CA1: variants seen among roughly 807,000 people sequenced by gnomAD.
CA1 encodes carbonic anhydrase 1.
A neutral mutation model predicts 28.8 loss-of-function variants in CA1; 27 were observed. The observed-to-expected ratio is 0.94, with a 90% CI of 0.69 to 1.29. CA1 has a LOEUF of 1.29. Among genes scored for constraint, CA1 ranks in the 50% most tolerant of loss-of-function variants. The pLI is 0.00. For synonymous variants in CA1, 121 were observed against 108.8 expected, an observed-to-expected ratio of 1.11 and a Z score of -0.70; for missense variants, 335 against 310.5, an observed-to-expected ratio of 1.08 and a Z score of -0.59.
At chr8:85,342,105 A>G (rs551815355) in intron 1 of CA1, among the ~76,000 whole-genome samples, 1 of 152,238 alleles carries the variant, frequency 6.6e-6, no homozygotes, top group Non-Finnish European at 1.5e-5. Context: ...GCTGATCTGA[A>G]CTAGTATCTT....
chr8:85,370,280 A>G (rs572243699), intron 1 of CA1, among the ~76,000 whole-genome samples: 16 of 152,322 alleles, frequency 1.1e-4, no homozygotes, highest in Middle Eastern at 6.8e-3. Context: ...CAGGAAATCA[A>G]TTGAAGTAAA....
chr8:85,346,196 A>T (rs749018765), intron 1 of CA1, among the ~76,000 whole-genome samples: 49 of 152,186 alleles, frequency 3.2e-4, no homozygotes, highest in Non-Finnish European at 6.2e-4. Context: ...ATGCTAATTG[A>T]AATTACTGGC....
In CA1 at chr8:85,328,673, C is replaced by A; in HGVS notation, c.673G>T (p.Ala225Ser). 6.3e-7 allele frequency: 1 copy of A among 1,584,990 alleles called. No homozygotes were observed. The highest frequency in any genetic ancestry group is 8.7e-7 in the Non-Finnish European group (1 of 1,155,536). Reference sequence around the variant, plus strand: ...TTTGATAGAAGGCTGCGGAATTGTGCCAGCTAGAAGGATAAAATATTTTAA... The same window carrying A: ...TTTGATAGAAGGCTGCGGAATTGTGACAGCTAGAAGGATAAAATATTTTAA... ...ESISVSSEQL[A>S]QFRSLLSNVE... The change falls in exon 8 of 8, where the codon GCA becomes TCA. Residue 225 changes from alanine to serine, a missense_variant. Transcript: ENST00000523022.
intron 4 of CA1, among the ~76,000 whole-genome samples, chr8:85,333,833 A>G (rs1338458215): frequency 6.6e-6 from 1 of 152,212 alleles, no homozygotes; most frequent in Admixed American, 6.5e-5. Context: ...TGGAACCAGT[A>G]AGCAAAATGT....
intron 1 of CA1, among the ~76,000 whole-genome samples, chr8:85,363,978 TCTTTC>T (rs1809908004): frequency 1.3e-5 from 2 of 152,282 alleles, no homozygotes; most frequent in East Asian, 1.9e-4. Flanking sequence ...AAATTTCTTT[TCTTTC>T]CTTTCCTTTC....
intron 1 of CA1, among the ~76,000 whole-genome samples, chr8:85,372,120 T>C (rs1231291329): frequency 6.6e-6 from 1 of 152,214 alleles, no homozygotes; most frequent in Non-Finnish European, 1.5e-5. Flanking sequence ...GTCATGTTTA[T>C]TTTTATCCTC....
At chr8:85,359,099 G>A (rs550981608) in intron 1 of CA1, among the ~76,000 whole-genome samples, 17 of 152,306 alleles carry the variant, frequency 1.1e-4, no homozygotes, top group African/African-American at 4.1e-4. Flanking sequence ...CCTTACACAA[G>A]TCAAGTTACT....
chr8:85,333,650 T>A (rs746353805), intron 4 of CA1, 30 bp from the exon 5 acceptor site: 1 of 1,325,238 alleles, frequency 7.5e-7, no homozygotes, highest in Non-Finnish European at 1.1e-6. Context: ...TAATTAATTA[T>A]TTATACCAGT....
intron 1 of CA1, among the ~76,000 whole-genome samples, chr8:85,369,570 C>G (rs1474699220): frequency 6.6e-6 from 1 of 152,170 alleles, no homozygotes; most frequent in Non-Finnish European, 1.5e-5. Flanking sequence ...ATGCCGTGGA[C>G]TGGTAGGGCC....
At chr8:85,340,072 A>G (rs1340386846) in intron 2 of CA1, among the ~76,000 whole-genome samples, 1 of 152,252 alleles carries the variant, frequency 6.6e-6, no homozygotes, top group Non-Finnish European at 1.5e-5. Flanking sequence ...AGGTGACTAC[A>G]CTAAACAACA....
intron 1 of CA1, among the ~76,000 whole-genome samples, chr8:85,350,373 G>T (rs1809356929): frequency 1.3e-5 from 2 of 152,168 alleles, no homozygotes; most frequent in Non-Finnish European, 2.9e-5. Flanking sequence ...GACTTGAAAG[G>T]CGCTGCATTT....
Position 85,338,252 on chromosome 8 carries a change from CT to C in CA1, c.234del (p.Val79CysfsTer2). On this transcript the variant is annotated frameshift_variant and splice_region_variant, in exon 3 of 8. Transcript: ENST00000523022. LOFTEE classifies it high-confidence loss of function. ...HVNFEDNDNR[S>X]VLKGGPFSDS... ...ATATCAGAAGGGTCTTTCAGCTCAC[CT>C]GATCGGTTATCGTTGTCCTCAAAAT... is the stretch of plus-strand genomic sequence containing the variant. 1 of 1,612,282 alleles carries C rather than the reference CT, an allele frequency of 6.2e-7. No individual in the cohort carries two copies. Among genetic ancestry groups the C allele is most frequent in the Non-Finnish European group, 8.5e-7 (1 of 1,178,344 alleles).
chr8:85,358,312 G>A (rs760318563), intron 1 of CA1, among the ~76,000 whole-genome samples: 27 of 152,046 alleles, frequency 1.8e-4, no homozygotes, highest in African/African-American at 5.8e-4. Context: ...TCTTGACCTC[G>A]CTAAACTTCA....
intron 4 of CA1, among the ~76,000 whole-genome samples, chr8:85,335,897 G>A (rs929217364): frequency 6.6e-6 from 1 of 152,132 alleles, no homozygotes; most frequent in Non-Finnish European, 1.5e-5. Flanking sequence ...ATCTGCTGAT[G>A]TTCTATCAGA....
rs1808512946 is a variant in CA1 at position 85,333,737 on chromosome 8, T to C, written c.355-117A>G. 5 of 688,398 alleles carry C rather than the reference T, an allele frequency of 7.3e-6. No individual in the cohort carries two copies. In the East Asian group the frequency reaches 8.6e-5, roughly 12 times the overall value. The allele number at this position is 688,398 out of a possible 1,614,324, so 42.6% of individuals were successfully genotyped here. On this transcript the variant is annotated intron_variant, in intron 4 of 7. Coordinates refer to ENST00000523022, the MANE Select transcript of CA1 (RefSeq NM_001128831.4). ...TCTTGGCTTAGATACATAAAACTTA[T>C]GTGAACCTTTATCCAGTGGATTAGA...
At chr8:85,341,889 AT>A (rs1808948758) in intron 1 of CA1, 1 of 392,750 alleles carries the variant, frequency 2.5e-6, no homozygotes, top group African/African-American at 2.0e-5. Context: ...GTAAAAGAGA[AT>A]TATCAGATCC....
chr8:85,331,472 T>C (rs1443382933), intron 6 of CA1, among the ~76,000 whole-genome samples: 7 of 152,072 alleles, frequency 4.6e-5, no homozygotes, highest in Non-Finnish European at 1.0e-4. Context: ...TATTTATTTA[T>C]TTAAGATGGA....
chr8:85,342,910 C>T (rs1808985043), intron 1 of CA1: 1 of 152,068 alleles, frequency 6.6e-6, no homozygotes, highest in African/African-American at 2.4e-5. Context: ...AGTGATGGTT[C>T]GTTGTCTCAT....
At position 85,376,658 on chromosome 8, in the gene CA1, AAAATAAATAAATAAAT is replaced by A. The variant is rs200425469; in HGVS notation, c.-25+1372_-25+1387del. Reference sequence around the variant, plus strand: ...GCCTGGTGACAGAGAAATTGTCTCAAAAATAAATAAATAAATAAATAAATAAATAAATAAATAAATA... The same window carrying A: ...GCCTGGTGACAGAGAAATTGTCTCAAAAATAAATAAATAAATAAATAAATA... On this transcript the variant is annotated intron_variant, in intron 1 of 7. Transcript: ENST00000523022. Among the ~76,000 whole-genome samples the A allele has an allele frequency of 3.1e-3, 432 of 140,132 alleles. 4 individuals carry two copies. Among genetic ancestry groups the A allele is most frequent in the Middle Eastern group, 0.014 (4 of 278 alleles). The allele number at this position is 140,132 out of a possible 152,430, so 91.9% of individuals were successfully genotyped here.
Sources: allele counts gnomAD v4.1 joint callset (sites outside exome capture counted in the v4.1 genomes callset), GRCh38; gene constraint gnomAD v4.1.1; transcripts MANE v1.5; gene names NCBI Gene and HGNC (gene_info 2026-07-23, HGNC 2026-07-21).